Variants in CEP350 observed in about 807,000 individuals in gnomAD.
CEP350 encodes centrosome-associated protein 350.
Under a neutral mutation model 331.8 loss-of-function variants are expected in CEP350, and 126 were observed. That is an observed-to-expected ratio of 0.38 (90% CI 0.33 to 0.44). The LOEUF (loss-of-function observed/expected upper bound fraction) is 0.44. Among genes scored for constraint, CEP350 ranks in the 20% least tolerant of loss-of-function variants. The pLI is 1.00. For synonymous variants in CEP350, 1,200 were observed against 1,259.5 expected, an observed-to-expected ratio of 0.95 and a Z score of 1.00; for missense variants, 3,406 against 3,634.6, an observed-to-expected ratio of 0.94 and a Z score of 1.62.
At chr1:180,073,702 T>C in intron 27 of CEP350, 1 of 1,083,612 alleles carries the variant, frequency 9.2e-7, no homozygotes, top group Non-Finnish European at 1.2e-6. Context: ...TTAAAAGTTC[T>C]TCACTCAGCT....
intron 25 of CEP350, among the ~76,000 whole-genome samples, chr1:180,056,144 G>C (rs1355967752): frequency 6.6e-6 from 1 of 151,972 alleles, no homozygotes; most frequent in Non-Finnish European, 1.5e-5. Context: ...GTTTGAAAAT[G>C]TATTTGTTTC....
Position 180,093,111 on chromosome 1 carries a change from C to A in CEP350, c.7006C>A (p.Gln2336Lys). 1 of 1,602,294 alleles carries A rather than the reference C, an allele frequency of 6.2e-7. No individual in the cohort carries two copies. Among genetic ancestry groups the A allele is most frequent in the South Asian group, 1.1e-5 (1 of 89,088 alleles). The change falls in exon 34 of 38, where the codon CAA (glutamine) becomes AAA (lysine). Residue 2336 changes from glutamine to lysine, a missense_variant. By Grantham distance (53) the Gln-to-Lys change is moderately conservative. Coordinates refer to ENST00000367607, the MANE Select transcript of CEP350 (RefSeq NM_014810.5). ...AATGTTGAAAGAGAGACAGTCAGATCAAGATATGAATCATAGTCCAAACAT... is the reference window on the plus strand; with the variant it reads ...AATGTTGAAAGAGAGACAGTCAGATAAAGATATGAATCATAGTCCAAACAT... ...EEMLKERQSDQDMNHSPNIQS... is the reference protein window; with the variant it reads ...EEMLKERQSDKDMNHSPNIQS...
intron 1 of CEP350, among the ~76,000 whole-genome samples, chr1:179,973,027 C>T (rs1171503772): frequency 6.6e-6 from 1 of 152,038 alleles, no homozygotes; most frequent in Non-Finnish European, 1.5e-5. Flanking sequence ...ACCACCACAC[C>T]CCTTTAATTT....
chr1:179,976,768 G>A (rs969821940), intron 1 of CEP350, among the ~76,000 whole-genome samples: 14 of 152,114 alleles, frequency 9.2e-5, no homozygotes, highest in Non-Finnish European at 2.1e-4. Flanking sequence ...ATGATTTAGA[G>A]GTTTGAAATG....
At chr1:179,976,358 A>C (rs968661083) in intron 1 of CEP350, among the ~76,000 whole-genome samples, 1 of 151,090 alleles carries the variant, frequency 6.6e-6, no homozygotes, top group East Asian at 1.9e-4. Context: ...CTTAAAAGAA[A>C]ACATTTTCTG....
At chr1:179,974,845 G>T (rs1297157967) in intron 1 of CEP350, among the ~76,000 whole-genome samples, 1 of 152,050 alleles carries the variant, frequency 6.6e-6, no homozygotes, top group African/African-American at 2.4e-5. Context: ...AGATAAATTC[G>T]TTGGACATGG....
chr1:180,088,279 G>A (rs1470007509), intron 32 of CEP350, among the ~76,000 whole-genome samples: 1 of 152,090 alleles, frequency 6.6e-6, no homozygotes, highest in Non-Finnish European at 1.5e-5. Context: ...AAGATACTAA[G>A]TTGCAACATT....
chr1:180,100,353 C>T (rs1481802301), intron 37 of CEP350, among the ~76,000 whole-genome samples: 2 of 152,170 alleles, frequency 1.3e-5, no homozygotes, highest in Middle Eastern at 3.2e-3. Flanking sequence ...AATTTGTTCT[C>T]CTATTTCTAT....
intron 16 of CEP350, among the ~76,000 whole-genome samples, chr1:180,035,001 G>A (rs1311762808): frequency 2.6e-5 from 4 of 152,174 alleles, no homozygotes; most frequent in Non-Finnish European, 5.9e-5. Context: ...AGTTGTGAAT[G>A]CAAAGGAAAA....
chr1:180,017,877 T>A (rs1655072299), intron 11 of CEP350, among the ~76,000 whole-genome samples: 1 of 152,230 alleles, frequency 6.6e-6, no homozygotes, highest in African/African-American at 2.4e-5. Flanking sequence ...GCAGAGTTAA[T>A]TGCTGCTTCA....
intron 37 of CEP350, among the ~76,000 whole-genome samples, chr1:180,102,929 G>C (rs191024485): frequency 1.3e-5 from 2 of 152,314 alleles, no homozygotes; most frequent in Admixed American, 6.5e-5. Flanking sequence ...TAACGACACA[G>C]ACACACATAC....
intron 27 of CEP350, among the ~76,000 whole-genome samples, chr1:180,065,631 A>C (rs1475779936): frequency 2.0e-5 from 3 of 151,822 alleles, no homozygotes; most frequent in Admixed American, 6.6e-5. Context: ...AAAAAAAATT[A>C]GCTGGGCATG....
At chr1:180,056,940 A>G (rs1231397961) in intron 25 of CEP350, among the ~76,000 whole-genome samples, 1 of 152,154 alleles carries the variant, frequency 6.6e-6, no homozygotes, top group Non-Finnish European at 1.5e-5. Context: ...CCTGTCTTTG[A>G]GTTCATTAGT....
chr1:180,008,103 C>T (rs1423612967), intron 8 of CEP350, among the ~76,000 whole-genome samples: 1 of 151,966 alleles, frequency 6.6e-6, no homozygotes, highest in Non-Finnish European at 1.5e-5. Flanking sequence ...GGGATTGTTT[C>T]TGATTGTCAC....
chr1:180,008,445 T>C (rs950333549), intron 8 of CEP350, among the ~76,000 whole-genome samples: 2 of 104,354 alleles, frequency 1.9e-5, no homozygotes, highest in African/African-American at 5.4e-5. Context: ...AAGACTCAAC[T>C]GTTAGCTATG....
chr1:180,071,866 T>A (rs1658917152), intron 27 of CEP350, among the ~76,000 whole-genome samples: 1 of 152,166 alleles, frequency 6.6e-6, no homozygotes, highest in Non-Finnish European at 1.5e-5. Context: ...CTAGACTAAA[T>A]CTGTTGTATA....
rs1226428568 is a variant in CEP350, at chr1:180,095,601, C to T, written c.8590C>T (p.Leu2864=). 2 of 1,613,860 alleles carry T rather than the reference C, an allele frequency of 1.2e-6. No homozygotes were observed. Among genetic ancestry groups the T allele is most frequent in the Admixed American group, 1.7e-5 (1 of 60,010 alleles). Residue 2864 remains leucine (L), a synonymous_variant, in exon 35 of 38, where the codon CTG becomes TTG. Coordinates refer to ENST00000367607, the MANE Select transcript of CEP350 (RefSeq NM_014810.5). ...TGAACTTGAACTCAGCCGGGAGTTC[C>T]TGAGCGCGTTAGGAGATGATCAAGA... is the stretch of plus-strand genomic sequence containing the variant. The part of the protein sequence containing the change: ...LAELELSREF[L]SALGDDQDWF...
In CEP350 at chr1:180,034,297, A is replaced by T. The variant is rs181179736; in HGVS notation, c.3946+215A>T. The stretch of plus-strand genomic sequence containing the variant: ...TTTTCCCATCTTGTCAGCCAGCATT[A>T]GTCAAAACATATCTGAAAAATATGT... On this transcript the variant is annotated intron_variant, in intron 16 of 37. Coordinates refer to ENST00000367607, the MANE Select transcript of CEP350 (RefSeq NM_014810.5). 1.2e-4 allele frequency among the ~76,000 whole-genome samples: 18 copies of T among 152,260 alleles called. No homozygotes were observed. In the East Asian group the frequency reaches 2.3e-3, roughly 20 times the overall value.
chr1:180,113,657 A>T lies in CEP350; in HGVS notation c.*2496A>T, dbSNP rs1312166831. 6.6e-6 allele frequency: 1 copy of T among 152,202 alleles called. No individual in the cohort carries two copies. Among genetic ancestry groups the T allele is most frequent in the South Asian group, 2.1e-4 (1 of 4,824 alleles). 9.4% of individuals were successfully genotyped at this position (152,202 alleles called of 1,614,324 possible). On this transcript the variant is annotated 3_prime_UTR_variant, in exon 38 of 38. Coordinates refer to ENST00000367607, the MANE Select transcript of CEP350 (RefSeq NM_014810.5). ...AATGGCTTTATTCTTAGGATTAAGA[A>T]AGATAGATGTGGATACCCAGCCACT...
Sources: gnomAD v4.1 joint callset for allele counts (sites outside exome capture counted in the v4.1 genomes callset) on GRCh38, gnomAD v4.1.1 for gene constraint, MANE v1.5 for transcripts, NCBI Gene and HGNC (gene_info 2026-07-23, HGNC 2026-07-21) for gene names.